Variants in PCDH11X observed in about 807,000 individuals in gnomAD.
The protein encoded by PCDH11X is protocadherin-11 X-linked.
In PCDH11X, 18 loss-of-function variants were observed where a neutral mutation model predicts 53.3. The observed-to-expected ratio is 0.34, with a 90% CI of 0.23 to 0.50. The LOEUF is 0.50. PCDH11X is among the 20% of genes least tolerant of loss of function. PCDH11X has a pLI of 0.98. For synonymous variants in PCDH11X, 279 were observed against 393.3 expected (o/e 0.71, Z 3.44); for missense variants, 570 against 1,032.4 (o/e 0.55, Z 6.14).
At chrX:91,908,332 G>A (rs1282552761) in intron 6 of PCDH11X, among the ~76,000 whole-genome samples, 1 of 111,264 alleles carries the variant, frequency 9.0e-6, no homozygotes, top group Non-Finnish European at 1.9e-5. Context: ...ATTACCAAGG[G>A]CAAAACAAAC....
At chrX:92,213,377 T>C (rs955207987) in intron 7 of PCDH11X, among the ~76,000 whole-genome samples, 20 of 111,763 alleles carry the variant, frequency 1.8e-4, no homozygotes, top group African/African-American at 6.5e-4. Context: ...GCTTTATTGA[T>C]GTATAGCCAT....
intron 10 of PCDH11X, among the ~76,000 whole-genome samples, chrX:92,569,157 T>C (rs1327395467): frequency 4.6e-5 from 5 of 108,829 alleles, no homozygotes; most frequent in Non-Finnish European, 7.7e-5. Flanking sequence ...AGTACAAAAT[T>C]TTGAGCCATG....
intron 6 of PCDH11X, among the ~76,000 whole-genome samples, chrX:92,079,056 A>G (rs1167069545): frequency 9.0e-6 from 1 of 110,518 alleles, no homozygotes; most frequent in Non-Finnish European, 1.9e-5. Flanking sequence ...AAATGTAGTC[A>G]TTTGTAATAA....
chrX:92,035,073 CTT>C (rs1383530174), intron 6 of PCDH11X, among the ~76,000 whole-genome samples: 1 of 110,669 alleles, frequency 9.0e-6, no homozygotes, highest in Admixed American at 9.7e-5. Flanking sequence ...TAGTTTTTAA[CTT>C]TTTTGTTTCT....
At chrX:92,298,524 T>C (rs990306963) in intron 8 of PCDH11X, among the ~76,000 whole-genome samples, 12 of 112,077 alleles carry the variant, frequency 1.1e-4, no homozygotes, top group Admixed American at 2.9e-4. Flanking sequence ...AACTTTTTTA[T>C]GTGCTGCTGA....
chrX:92,429,916 G>T (rs191251671), intron 9 of PCDH11X, among the ~76,000 whole-genome samples: 1 of 106,913 alleles, frequency 9.4e-6, no homozygotes, highest in East Asian at 2.9e-4. Context: ...CTGAGTCTTG[G>T]GAGATTCTGT....
chrX:92,055,984 A>T (rs2063443552), intron 6 of PCDH11X, among the ~76,000 whole-genome samples: 1 of 109,368 alleles, frequency 9.1e-6, no homozygotes, highest in African/African-American at 3.3e-5. Context: ...TGTCTTTGCT[A>T]TTGTAGTGAA....
intron 8 of PCDH11X, among the ~76,000 whole-genome samples, chrX:92,298,043 T>A (rs1471809322): frequency 4.5e-5 from 5 of 111,481 alleles, no homozygotes; most frequent in Admixed American, 9.6e-5. Context: ...AGGAGCTTTT[T>A]GACAGAGACT....
chrX:92,597,965 G>T (rs1344967318), intron 10 of PCDH11X, among the ~76,000 whole-genome samples: 1 of 111,342 alleles, frequency 9.0e-6, no homozygotes, highest in Non-Finnish European at 1.9e-5. Flanking sequence ...GGGAAAACTG[G>T]ATATTCACAT....
At chrX:91,988,141 TATA>T (rs1422935442) in intron 6 of PCDH11X, among the ~76,000 whole-genome samples, 1 of 111,415 alleles carries the variant, frequency 9.0e-6, no homozygotes, top group Non-Finnish European at 1.9e-5. Context: ...GCACTATTAT[TATA>T]ATATTAGATT....
At chrX:92,609,099 G>A (rs775698048) in intron 10 of PCDH11X, among the ~76,000 whole-genome samples, 3 of 111,578 alleles carry the variant, frequency 2.7e-5, no homozygotes, top group African/African-American at 9.7e-5. Flanking sequence ...TTGCTGAGTA[G>A]TATTTCAGTG....
chrX:91,903,711 G>GA (rs569582958), intron 6 of PCDH11X, among the ~76,000 whole-genome samples: 2 of 106,018 alleles, frequency 1.9e-5, no homozygotes, highest in Non-Finnish European at 3.9e-5. Context: ...TATTTGAGTA[G>GA]AAAAAAATGT....
intron 7 of PCDH11X, among the ~76,000 whole-genome samples, chrX:92,249,891 C>T (rs1008270072): frequency 6.3e-5 from 7 of 111,376 alleles, no homozygotes; most frequent in African/African-American, 2.0e-4. Flanking sequence ...AGTCCTTGTC[C>T]GGTAACTGCA....
chrX:92,379,911 A>T (rs2070834500), intron 8 of PCDH11X, among the ~76,000 whole-genome samples: 1 of 98,228 alleles, frequency 1.0e-5, no homozygotes. Context: ...TCCTGGACAC[A>T]GGTCTCAGGA....
chrX:92,593,059 G>A (rs68185052), intron 10 of PCDH11X, among the ~76,000 whole-genome samples: 28,581 of 109,530 alleles, frequency 0.26, 3,082 homozygotes, highest in African/African-American at 0.38. Context: ...TAGGTCATGT[G>A]ACTGATAATC....
chrX:92,234,836 AT>A (rs1363706337), intron 7 of PCDH11X, among the ~76,000 whole-genome samples: 1 of 111,470 alleles, frequency 9.0e-6, no homozygotes, highest in Non-Finnish European at 1.9e-5. Flanking sequence ...AATAATTTTT[AT>A]TATTATTGAA....
chrX:91,875,788 G>A (rs907750267), intron 5 of PCDH11X, among the ~76,000 whole-genome samples: 3 of 109,041 alleles, frequency 2.8e-5, no homozygotes, highest in African/African-American at 6.7e-5. Flanking sequence ...TTTTAACTGT[G>A]TGTTCCTATG....
intron 9 of PCDH11X, chrX:92,460,854 A>G: frequency 9.7e-7 from 1 of 1,027,483 alleles, no homozygotes; most frequent in Non-Finnish European, 1.4e-6. Flanking sequence ...CTTGGACAGC[A>G]GGAACTCCAT....
chrX:91,887,497 A>T (rs1021578168), intron 6 of PCDH11X, among the ~76,000 whole-genome samples: 2 of 112,115 alleles, frequency 1.8e-5, no homozygotes, highest in Admixed American at 1.9e-4. Context: ...TTAGGAGTAG[A>T]CTTTTAAAAT....
Sources: allele counts gnomAD v4.1 joint callset (sites outside exome capture counted in the v4.1 genomes callset), GRCh38; gene constraint gnomAD v4.1.1; transcripts MANE v1.5; gene names NCBI Gene and HGNC (gene_info 2026-07-23, HGNC 2026-07-21).